ASB4: variants seen among roughly 807,000 people sequenced by gnomAD.
ASB4 encodes ankyrin repeat and SOCS box containing 4, also known as ankyrin repeat and SOCS box protein 4.
In ASB4, 35 loss-of-function variants were observed where a neutral mutation model predicts 38.6. The ratio of observed to expected loss-of-function variants is 0.91; its 90% CI spans 0.69 to 1.20. ASB4 has a LOEUF of 1.20. Among genes scored for constraint, ASB4 ranks in the 50% most tolerant of loss-of-function variants. The probability of loss-of-function intolerance (pLI) is 0.00; values close to 1 mark genes in which losing one functional copy is unlikely to be tolerated. For missense variants in ASB4, 557 were observed against 527.2 expected, an observed-to-expected ratio of 1.06 and a Z score of -0.55; for synonymous variants, 195 against 201.3, an observed-to-expected ratio of 0.97 and a Z score of 0.26.
chr7:95,533,293 C>T (rs1790844079), intron 3 of ASB4, among the ~76,000 whole-genome samples: 1 of 152,146 alleles, frequency 6.6e-6, no homozygotes. Flanking sequence ...AGATGATATT[C>T]TGATCTCTGA....
chr7:95,549,586 C>T, the ASB4 span, among the ~76,000 whole-genome samples: 1 of 151,886 alleles, frequency 6.6e-6, no homozygotes, highest in Non-Finnish European at 1.5e-5. Flanking sequence ...CGTGAGCCAC[C>T]GCGCCCGGCC....
rs1227960057 is a variant in ASB4 at position 95,515,267 on chromosome 7, C to CTCTTTCTTTCTT, written c.488-12505_488-12494dup. 3.7e-3 allele frequency among the ~76,000 whole-genome samples: 265 copies of CTCTTTCTTTCTT among 72,602 alleles called. 8 individuals are homozygous for CTCTTTCTTTCTT. The highest frequency in any genetic ancestry group is 0.013 in the Middle Eastern group (2 of 156). 47.6% of individuals were successfully genotyped at this position (72,602 alleles called of 152,430 possible). ...TCTTTCTTTCCTTCTTTCTTTCTTT[C>CTCTTTCTTTCTT]TCTTTCTTTCTTTCTTTCTTTCTTT... On this transcript the variant is annotated intron_variant, in intron 2 of 4. Coordinates refer to ENST00000325885, the MANE Select transcript of ASB4 (RefSeq NM_016116.3).
rs1428581759 is a variant in ASB4 at position 95,520,434 on chromosome 7, G to A, written c.488-7379G>A. ...AAGAATAAAAAAATAATGCTCTGTT[G>A]TTTCAGATCTCATAGAAGGCTTGGC... On this transcript the variant is annotated intron_variant, in intron 2 of 4. Transcript: ENST00000325885. Among the ~76,000 whole-genome samples the A allele has an allele frequency of 2.6e-5, 4 of 152,284 alleles. No individual in the cohort carries two copies. In the East Asian group the frequency reaches 7.7e-4, roughly 29 times the overall value.
At position 95,486,178 on chromosome 7, in the gene ASB4, A is replaced by G. The variant is rs1790088136; in HGVS notation, c.187+20A>G. ...AACAAGGTAAAAACATATAGGTGTT[A>G]TTGTAGAACTGTTAGAAAATGATTT... On this transcript the variant is annotated intron_variant, in intron 1 of 4. Transcript: ENST00000325885. 1 of 1,581,390 alleles carries G rather than the reference A, an allele frequency of 6.3e-7. No individual in the cohort carries two copies. The highest frequency in any genetic ancestry group is 1.7e-5 in the Admixed American group (1 of 57,824).
At chr7:95,533,693 TA>T (rs1790849826) in intron 3 of ASB4, among the ~76,000 whole-genome samples, 1 of 152,188 alleles carries the variant, frequency 6.6e-6, no homozygotes, top group South Asian at 2.1e-4. Context: ...ATTTCCTAGC[TA>T]AAAGACCCAG....
chr7:95,500,568 CAAAAAAAAAAAAAAAAA>C lies in ASB4; in HGVS notation c.487+4523_487+4539del, dbSNP rs771099175. On this transcript the variant is annotated intron_variant, in intron 2 of 4. Transcript: ENST00000325885. The stretch of plus-strand genomic sequence containing the variant: ...CTGTGTGACAGAGCAAGATCTGTCT[CAAAAAAAAAAAAAAAAA>C]AAAAAAAAAAAGCCATGATCTTTTC... Among the ~76,000 whole-genome samples, 43 of 41,018 alleles carry C rather than the reference CAAAAAAAAAAAAAAAAA, an allele frequency of 1.0e-3. 1 individual carries two copies. The South Asian group carries it at 0.054, about 52-fold the overall frequency. 26.9% of individuals were successfully genotyped at this position (41,018 alleles called of 152,430 possible). A position where few individuals can be genotyped will look rare whatever the true frequency, so the allele number is the denominator to read the frequency against.
chr7:95,513,407 G>C (rs1790512865), intron 2 of ASB4, among the ~76,000 whole-genome samples: 1 of 151,398 alleles, frequency 6.6e-6, no homozygotes, highest in South Asian at 2.1e-4. Flanking sequence ...CTGAAATCTG[G>C]AGGGAAGGCC....
chr7:95,535,764 T>C (rs1790882002), intron 3 of ASB4, among the ~76,000 whole-genome samples: 1 of 152,298 alleles, frequency 6.6e-6, no homozygotes, highest in Non-Finnish European at 1.5e-5. Context: ...CTTTCATTTG[T>C]TAATGAAAGG....
intron 2 of ASB4, among the ~76,000 whole-genome samples, chr7:95,500,753 T>A (rs1482811614): frequency 6.6e-6 from 1 of 152,120 alleles, no homozygotes; most frequent in Non-Finnish European, 1.5e-5. Context: ...AACCTTTCAG[T>A]TATCCTGTCT....
the ASB4 span, among the ~76,000 whole-genome samples, chr7:95,549,245 T>C: frequency 3.8e-4 from 57 of 151,658 alleles, no homozygotes; most frequent in African/African-American, 1.4e-3. Flanking sequence ...CCTGAAATAT[T>C]GGAAGATGGA....
intron 4 of ASB4, among the ~76,000 whole-genome samples, chr7:95,536,890 T>C (rs1010612376): frequency 6.6e-6 from 1 of 152,222 alleles, no homozygotes. Context: ...TAAAGCGTTT[T>C]GTGTAGATTA....
chr7:95,549,407 C>T, the ASB4 span, among the ~76,000 whole-genome samples: 1 of 148,942 alleles, frequency 6.7e-6, no homozygotes, highest in Non-Finnish European at 1.5e-5. Context: ...CCCCATTCTC[C>T]TGCCTCAGCC....
intron 2 of ASB4, among the ~76,000 whole-genome samples, chr7:95,507,273 T>C (rs1413564782): frequency 1.3e-5 from 2 of 152,062 alleles, no homozygotes; most frequent in African/African-American, 2.4e-5. Flanking sequence ...ACTGGCTTTT[T>C]TTCTAGAGAG....
intron 3 of ASB4, among the ~76,000 whole-genome samples, chr7:95,532,583 G>A (rs1308854750): frequency 6.6e-6 from 1 of 152,094 alleles, no homozygotes; most frequent in Non-Finnish European, 1.5e-5. Context: ...AGTTCTCTTT[G>A]ATCATTAAGT....
chr7:95,499,865 C>CTTTTTTTTT (rs61250820), intron 2 of ASB4, among the ~76,000 whole-genome samples: 1 of 77,214 alleles, frequency 1.3e-5, no homozygotes, highest in African/African-American at 5.7e-5. Context: ...GATACATCCT[C>CTTTTTTTTT]TTTTTTTTTT....
intron 3 of ASB4, among the ~76,000 whole-genome samples, chr7:95,532,094 G>A (rs1454879324): frequency 6.6e-6 from 1 of 152,154 alleles, no homozygotes; most frequent in African/African-American, 2.4e-5. Flanking sequence ...TTACTATGCA[G>A]ATGCTTCAAA....
chr7:95,495,888 T>A lies in ASB4; in HGVS notation c.318T>A (p.Asn106Lys). The change falls in exon 2 of 5, where the codon AAT becomes AAA. Residue 106 changes from asparagine (N) to lysine (K), a missense_variant. By Grantham distance (94) the Asn-to-Lys change is moderately conservative. Coordinates refer to ENST00000325885, the MANE Select transcript of ASB4 (RefSeq NM_016116.3). ...ATGCTACAATCAACTGTAGACCCAA[T>A]GGGAAAACCCCTCTTCACGTGGCTT... is the stretch of plus-strand genomic sequence containing the variant. ...DHNATINCRP[N>K]GKTPLHVACE... The A allele has an allele frequency of 6.2e-7, 1 of 1,614,138 alleles. No homozygotes were observed. The highest frequency in any genetic ancestry group is 8.5e-7 in the Non-Finnish European group (1 of 1,180,020).
chr7:95,478,497 A>C (rs886516208), exon 1 of ASB4: 20 of 152,204 alleles, frequency 1.3e-4, no homozygotes, highest in African/African-American at 3.1e-4. Context: ...GTTACTGCTT[A>C]TGTCAATCCA....
At chr7:95,517,991 C>T (rs770656249) in intron 2 of ASB4, among the ~76,000 whole-genome samples, 4 of 152,084 alleles carry the variant, frequency 2.6e-5, no homozygotes, top group Non-Finnish European at 4.4e-5. Flanking sequence ...TGTTCTACTG[C>T]TGGGTGTATG....
Sources: allele counts gnomAD v4.1 joint callset (sites outside exome capture counted in the v4.1 genomes callset), GRCh38; gene constraint gnomAD v4.1.1; transcripts MANE v1.5; gene names NCBI Gene and HGNC (gene_info 2026-07-23, HGNC 2026-07-21).